TSPEAR: variants seen among roughly 807,000 people sequenced by gnomAD.
The protein encoded by TSPEAR is thrombospondin type laminin G domain and EAR repeats, also known as thrombospondin-type laminin G domain and EAR repeat-containing protein.
Under a neutral mutation model 71.6 loss-of-function variants are expected in TSPEAR, and 69 were observed. That is an observed-to-expected ratio of 0.96 (90% CI 0.79 to 1.18). TSPEAR has a LOEUF of 1.18. Among genes scored for constraint, TSPEAR ranks in the 50% most tolerant of loss-of-function variants. The pLI is 0.00. For missense variants in TSPEAR, 971 were observed against 894.9 expected (o/e 1.09, Z -1.09); for synonymous variants, 402 against 387.2 (o/e 1.04, Z -0.45).
At position 44,533,924 on chromosome 21, in the gene TSPEAR, C is replaced by G. The variant is rs782427465; in HGVS notation, c.304-1G>C. 27 of 1,606,640 alleles carry G rather than the reference C, an allele frequency of 1.7e-5. No individual in the cohort carries two copies. The highest frequency in any genetic ancestry group is 1.7e-4 in the Middle Eastern group (1 of 6,030). On this transcript the variant is annotated splice_acceptor_variant, in intron 2 of 11. Transcript: ENST00000323084. LOFTEE classifies it high-confidence loss of function. ...CCACCGTCAGCAGGTACTCGTTCCT[C>G]TGTGGAGAGCGGGCCAGGCTCAGGA...
chr21:44,589,804 T>C (rs990625760), intron 1 of TSPEAR, among the ~76,000 whole-genome samples: 9 of 152,206 alleles, frequency 5.9e-5, no homozygotes, highest in Non-Finnish European at 1.3e-4. Flanking sequence ...TCTGACCTTG[T>C]AGCCATCAGT....
intron 1 of TSPEAR, among the ~76,000 whole-genome samples, chr21:44,665,557 G>C (rs2146272547): frequency 6.6e-6 from 1 of 152,298 alleles, no homozygotes. Context: ...CCCATTTCAG[G>C]AATACATAGA....
intron 1 of TSPEAR, chr21:44,602,225 C>T: frequency 5.4e-6 from 1 of 185,312 alleles, no homozygotes; most frequent in East Asian, 1.3e-4. Context: ...TGCCTGATGC[C>T]CCCCACCCGC....
At chr21:44,691,854 C>G (rs1555949759) in intron 1 of TSPEAR, among the ~76,000 whole-genome samples, 1 of 152,216 alleles carries the variant, frequency 6.6e-6, no homozygotes, top group Non-Finnish European at 1.5e-5. Flanking sequence ...TTCTAACTCA[C>G]TCTGTGAAGC....
intron 1 of TSPEAR, among the ~76,000 whole-genome samples, chr21:44,644,056 C>CCTCCCGGCACCTCCCT (rs1984169152): frequency 6.6e-6 from 1 of 152,224 alleles, no homozygotes; most frequent in African/African-American, 2.4e-5. Context: ...ACTCACATCC[C>CCTCCCGGCACCTCCCT]CTCCCGGCAC....
intron 1 of TSPEAR, among the ~76,000 whole-genome samples, chr21:44,688,633 C>T (rs1269571649): frequency 1.3e-5 from 2 of 152,112 alleles, no homozygotes; most frequent in East Asian, 1.9e-4. Context: ...GGCATGAACC[C>T]GGGAGGTGGA....
intron 2 of TSPEAR, chr21:44,551,229 G>T: frequency 4.3e-6 from 7 of 1,614,048 alleles, no homozygotes; most frequent in Non-Finnish European, 5.1e-6. Context: ...GCAGCACGAG[G>T]GCGTGCAGGA....
Position 44,499,687 on chromosome 21 carries a change from T to C in TSPEAR, c.*96A>G. ...CCTGATGCCCAGGCCCGGGATGCCCTAGGCTGGGCCCACCTGGACGTCCAG... is the reference window on the plus strand; with the variant it reads ...CCTGATGCCCAGGCCCGGGATGCCCCAGGCTGGGCCCACCTGGACGTCCAG... On this transcript the variant is annotated 3_prime_UTR_variant, in exon 12 of 12. Transcript: ENST00000323084. The C allele has an allele frequency of 7.4e-7, 1 of 1,351,428 alleles. No individual in the cohort carries two copies. The highest frequency in any genetic ancestry group is 9.8e-7 in the Non-Finnish European group (1 of 1,021,240). 83.7% of individuals were successfully genotyped at this position (1,351,428 alleles called of 1,614,324 possible).
chr21:44,574,021 C>G (rs1555923185), intron 1 of TSPEAR: 21 of 1,613,474 alleles, frequency 1.3e-5, no homozygotes, highest in Non-Finnish European at 1.8e-5. Context: ...TGCACGCCCT[C>G]GTGCTGCCAG....
At chr21:44,558,030 G>A (rs2053562577) in intron 2 of TSPEAR, 1 of 1,588,254 alleles carries the variant, frequency 6.3e-7, no homozygotes, top group Middle Eastern at 1.7e-4. Flanking sequence ...GAACAACTCT[G>A]GAGAAACGGG....
chr21:44,680,153 T>G (rs1201573687), intron 1 of TSPEAR, among the ~76,000 whole-genome samples: 1 of 152,192 alleles, frequency 6.6e-6, no homozygotes, highest in East Asian at 1.9e-4. Flanking sequence ...AAGTGACTAA[T>G]ATCCAGAATA....
intron 1 of TSPEAR, chr21:44,676,335 G>T: frequency 8.6e-7 from 1 of 1,163,488 alleles, no homozygotes; most frequent in Non-Finnish European, 1.3e-6. Context: ...TATCAGAACA[G>T]TTGGCTTTGA....
intron 1 of TSPEAR, among the ~76,000 whole-genome samples, chr21:44,668,590 T>C (rs1985905714): frequency 6.6e-6 from 1 of 152,188 alleles, no homozygotes; most frequent in Admixed American, 6.5e-5. Flanking sequence ...GCCAAATCAA[T>C]CTTAAGAAAA....
rs186453452 is a variant in TSPEAR at position 44,615,675 on chromosome 21, C to T, written c.83-47670G>A. Among the ~76,000 whole-genome samples, 853 of 152,076 alleles carry T rather than the reference C, an allele frequency of 5.6e-3. 12 individuals carry two copies. The highest frequency in any genetic ancestry group is 7.1e-3 in the Non-Finnish European group (481 of 67,978). On this transcript the variant is annotated intron_variant, in intron 1 of 11. Coordinates refer to ENST00000323084, the MANE Select transcript of TSPEAR (RefSeq NM_144991.3). Reference sequence around the variant, plus strand: ...CCTCCTGGGAGTGAGGGCTTTCTCCCGCCTGCCCACAGCGAGTGCAGCTGA... The same window carrying T: ...CCTCCTGGGAGTGAGGGCTTTCTCCTGCCTGCCCACAGCGAGTGCAGCTGA...
intron 1 of TSPEAR, chr21:44,646,946 A>T: frequency 6.3e-7 from 1 of 1,596,754 alleles, no homozygotes; most frequent in Non-Finnish European, 8.5e-7. Context: ...ACCTGCTCTG[A>T]GGATTCCTCT....
At chr21:44,558,386 A>ACAGCACACAGGCTTG (rs1569185434) in intron 2 of TSPEAR, 1 of 1,612,418 alleles carries the variant, frequency 6.2e-7, no homozygotes, top group Non-Finnish European at 8.5e-7. Context: ...AGACGGGCAC[A>ACAGCACACAGGCTTG]CAGCAGACTG....
chr21:44,578,433 G>A (rs587728212), intron 1 of TSPEAR, among the ~76,000 whole-genome samples: 10 of 152,214 alleles, frequency 6.6e-5, no homozygotes, highest in South Asian at 4.2e-4. Flanking sequence ...ATCCCGAATG[G>A]CTTTGCCATT....
chr21:44,574,723 G>A (rs1555923549), intron 1 of TSPEAR: 15 of 1,608,830 alleles, frequency 9.3e-6, no homozygotes, highest in Non-Finnish European at 1.3e-5. Context: ...GTGCCCGTCT[G>A]CTGCAAGCCT....
intron 11 of TSPEAR, among the ~76,000 whole-genome samples, chr21:44,502,637 G>A (rs1404761171): frequency 6.6e-6 from 1 of 152,286 alleles, no homozygotes; most frequent in East Asian, 1.9e-4. Flanking sequence ...AAAGGCAGAA[G>A]CACCAGCACT....
Sources: allele counts gnomAD v4.1 joint callset (sites outside exome capture counted in the v4.1 genomes callset), GRCh38; gene constraint gnomAD v4.1.1; transcripts MANE v1.5; gene names NCBI Gene and HGNC (gene_info 2026-07-23, HGNC 2026-07-21).